EEFSEC: variants seen among roughly 807,000 people sequenced by gnomAD.
The protein encoded by EEFSEC is eukaryotic elongation factor, selenocysteine-tRNA specific.
EEFSEC carries 43 observed loss-of-function variants against 42.1 expected under a neutral mutation model. The ratio of observed to expected loss-of-function variants is 1.02; its 90% confidence interval spans 0.80 to 1.32. EEFSEC has a LOEUF of 1.32. Ranked by LOEUF, EEFSEC falls within the 40% of genes most tolerant of loss-of-function variation. The pLI is 0.00. For synonymous variants in EEFSEC, 354 were observed against 339.1 expected, an observed-to-expected ratio of 1.04 and a Z score of -0.48; for missense variants, 745 against 803.6, an observed-to-expected ratio of 0.93 and a Z score of 0.88.
chr3:128,179,028 A>T (rs777211374), intron 1 of EEFSEC, among the ~76,000 whole-genome samples: 11 of 152,174 alleles, frequency 7.2e-5, no homozygotes, highest in Non-Finnish European at 1.3e-4. Context: ...GGAGTAAGAT[A>T]TTTGTTTTTA....
intron 4 of EEFSEC, among the ~76,000 whole-genome samples, chr3:128,329,109 C>A (rs553346874): frequency 9.9e-5 from 15 of 152,262 alleles, no homozygotes; most frequent in African/African-American, 3.4e-4. Flanking sequence ...GTCATGGACC[C>A]AAATGCCTTC....
chr3:128,155,445 T>C (rs1427144972), intron 1 of EEFSEC, among the ~76,000 whole-genome samples: 3 of 152,224 alleles, frequency 2.0e-5, no homozygotes, highest in Non-Finnish European at 2.9e-5. Flanking sequence ...TGGATTACTT[T>C]TCCAGACCCA....
At chr3:128,359,152 A>G (rs894875738) in intron 6 of EEFSEC, among the ~76,000 whole-genome samples, 2 of 152,110 alleles carry the variant, frequency 1.3e-5, no homozygotes, top group Non-Finnish European at 2.9e-5. Flanking sequence ...TCAGGGAAGG[A>G]CAGAGGGAGG....
intron 4 of EEFSEC, among the ~76,000 whole-genome samples, chr3:128,303,196 G>A (rs1307552399): frequency 5.3e-5 from 8 of 152,072 alleles, no homozygotes; most frequent in Non-Finnish European, 1.0e-4. Flanking sequence ...TCAAACTCCT[G>A]GACAACAGGA....
At chr3:128,287,972 A>G (rs2066604591) in intron 4 of EEFSEC, among the ~76,000 whole-genome samples, 1 of 140,138 alleles carries the variant, frequency 7.1e-6, no homozygotes, top group African/African-American at 2.7e-5. Context: ...GCCCCCCCCA[A>G]AAAACTCTGT....
intron 1 of EEFSEC, among the ~76,000 whole-genome samples, chr3:128,192,628 A>G (rs991883291): frequency 1.3e-5 from 2 of 152,014 alleles, no homozygotes; most frequent in African/African-American, 2.4e-5. Context: ...CCCCTCTCCT[A>G]TTTAACTTCT....
At chr3:128,415,930 G>C in the EEFSEC span, among the ~76,000 whole-genome samples, 5 of 152,232 alleles carry the variant, frequency 3.3e-5, no homozygotes, top group Non-Finnish European at 7.3e-5. Flanking sequence ...CCTTTGGGGG[G>C]AAGTGGCTGC....
intron 5 of EEFSEC, among the ~76,000 whole-genome samples, chr3:128,342,882 G>A (rs974839835): frequency 4.6e-5 from 7 of 152,360 alleles, no homozygotes; most frequent in South Asian, 4.1e-4. Context: ...GGGAATCCAT[G>A]CCCATCGGGC....
At chr3:128,264,575 C>T (rs1306636303) in intron 3 of EEFSEC, 42 bp from the exon 4 acceptor site, 2 of 1,601,254 alleles carry the variant, frequency 1.2e-6, no homozygotes, top group Admixed American at 1.7e-5. Context: ...CCCCATCTGG[C>T]TCCTCTCCCC....
At chr3:128,391,966 G>A (rs989344362) in intron 6 of EEFSEC, among the ~76,000 whole-genome samples, 4 of 152,220 alleles carry the variant, frequency 2.6e-5, no homozygotes, top group Non-Finnish European at 5.9e-5. Context: ...CCAGAAGGGC[G>A]AGTGCCTGAG....
intron 2 of EEFSEC, among the ~76,000 whole-genome samples, chr3:128,257,721 A>C (rs1050967699): frequency 9.2e-5 from 14 of 152,338 alleles, no homozygotes; most frequent in African/African-American, 2.9e-4. Context: ...GTTACAGTGA[A>C]GCTTATAACG....
At chr3:128,402,399 C>G (rs1474122299) in intron 6 of EEFSEC, among the ~76,000 whole-genome samples, 2 of 152,222 alleles carry the variant, frequency 1.3e-5, no homozygotes, top group African/African-American at 4.8e-5. Flanking sequence ...TTTGCTGCAG[C>G]AAATAGATGC....
At chr3:128,220,697 A>C (rs892541772) in intron 1 of EEFSEC, among the ~76,000 whole-genome samples, 1 of 152,232 alleles carries the variant, frequency 6.6e-6, no homozygotes, top group African/African-American at 2.4e-5. Context: ...GAACCAGTAC[A>C]GAATGATGCC....
chr3:128,276,838 G>A (rs1193543249), intron 4 of EEFSEC, among the ~76,000 whole-genome samples: 1 of 152,186 alleles, frequency 6.6e-6, no homozygotes, highest in African/African-American at 2.4e-5. Context: ...GCAATGAAGG[G>A]GTACAGCCAT....
chr3:128,200,488 A>G (rs1488727152), intron 1 of EEFSEC, among the ~76,000 whole-genome samples: 2 of 152,024 alleles, frequency 1.3e-5, no homozygotes, highest in Non-Finnish European at 2.9e-5. Flanking sequence ...GGGTTTCTCC[A>G]TGTTGGTCAG....
chr3:128,405,532 T>C (rs565462225), intron 6 of EEFSEC, among the ~76,000 whole-genome samples: 48 of 152,336 alleles, frequency 3.2e-4, no homozygotes, highest in Non-Finnish European at 5.6e-4. Flanking sequence ...CTTCATTTTC[T>C]CATCCGTATA....
At chr3:128,386,478 A>G (rs1362365372) in intron 6 of EEFSEC, among the ~76,000 whole-genome samples, 1 of 141,842 alleles carries the variant, frequency 7.1e-6, no homozygotes, top group Non-Finnish European at 1.5e-5. Flanking sequence ...TGAGACAGGC[A>G]GTGGGGGGGG....
chr3:128,263,487 C>T (rs904468947), intron 3 of EEFSEC, among the ~76,000 whole-genome samples: 9 of 152,238 alleles, frequency 5.9e-5, no homozygotes, highest in African/African-American at 2.2e-4. Context: ...TTTCATCAGG[C>T]TCCTGAGAGC....
intron 4 of EEFSEC, among the ~76,000 whole-genome samples, chr3:128,302,935 A>G (rs2066786093): frequency 6.6e-6 from 1 of 152,142 alleles, no homozygotes; most frequent in South Asian, 2.1e-4. Flanking sequence ...GCTGTACCAT[A>G]TTATTTAACC....
Sources: allele counts gnomAD v4.1 joint callset (sites outside exome capture counted in the v4.1 genomes callset), GRCh38; gene constraint gnomAD v4.1.1; transcripts MANE v1.5; gene names NCBI Gene and HGNC (gene_info 2026-07-23, HGNC 2026-07-21).